Variants in ROBO1 observed in about 807,000 individuals in gnomAD.
ROBO1 encodes the protein roundabout homolog 1.
ROBO1 carries 149 observed loss-of-function variants against 195.9 expected under a neutral mutation model. The ratio of observed to expected loss-of-function variants is 0.76; its 90% CI spans 0.67 to 0.87. The LOEUF (loss-of-function observed/expected upper bound fraction) is 0.87, where lower values mean the gene tolerates loss of function less well. ROBO1 is among the 40% of genes least tolerant of loss of function. The probability of loss-of-function intolerance (pLI) is 0.00; values close to 1 mark genes in which losing one functional copy is unlikely to be tolerated. For missense variants in ROBO1, 1,933 were observed against 2,068.3 expected, an observed-to-expected ratio of 0.93 and a Z score of 1.27; for synonymous variants, 816 against 733.2, an observed-to-expected ratio of 1.11 and a Z score of -1.82.
chr3:79,264,022 A>G (rs2082988617), intron 2 of ROBO1, among the ~76,000 whole-genome samples: 1 of 152,064 alleles, frequency 6.6e-6, no homozygotes, highest in Non-Finnish European at 1.5e-5. Context: ...TTTTGCCCAG[A>G]CAACAACTAA....
chr3:79,046,245 T>C (rs1050984428), intron 3 of ROBO1, among the ~76,000 whole-genome samples: 10 of 152,086 alleles, frequency 6.6e-5, no homozygotes, highest in African/African-American at 2.4e-4. Context: ...AAGGTATTGA[T>C]GTCTCTGGCA....
intron 1 of ROBO1, among the ~76,000 whole-genome samples, chr3:79,713,694 C>A (rs1240955446): frequency 6.6e-6 from 1 of 152,082 alleles, no homozygotes; most frequent in Non-Finnish European, 1.5e-5. Context: ...ATGGTATTGC[C>A]TAGGTTTTCT....
At position 79,021,723 on chromosome 3, in the gene ROBO1, C is replaced by A. The variant is rs547610913; in HGVS notation, c.173-82796G>T. Among the ~76,000 whole-genome samples, 35 of 139,682 alleles carry A rather than the reference C, an allele frequency of 2.5e-4. No individual in the cohort carries two copies. In the East Asian group the frequency reaches 7.2e-3, roughly 29 times the overall value. 91.6% of individuals were successfully genotyped at this position (139,682 alleles called of 152,430 possible). The stretch of plus-strand genomic sequence containing the variant: ...TCGCCCAGGCTGGAGTGCAGTGGCG[C>A]GATCTCGGCTCACTGCAAGCTCCGC... On this transcript the variant is annotated intron_variant, in intron 3 of 30. Coordinates refer to ENST00000464233, the MANE Select transcript of ROBO1 (RefSeq NM_002941.4).
At chr3:79,300,150 A>C (rs1284406178) in intron 2 of ROBO1, among the ~76,000 whole-genome samples, 2 of 152,168 alleles carry the variant, frequency 1.3e-5, no homozygotes, top group Non-Finnish European at 2.9e-5. Flanking sequence ...CCACCGCTGC[A>C]GTGTGGGAGC....
chr3:79,347,883 C>A (rs2035185082), intron 2 of ROBO1, among the ~76,000 whole-genome samples: 1 of 152,090 alleles, frequency 6.6e-6, no homozygotes, highest in African/African-American at 2.4e-5. Flanking sequence ...AATCATGAGC[C>A]TTAATACCAA....
intron 4 of ROBO1, among the ~76,000 whole-genome samples, chr3:78,800,089 C>G (rs758129179): frequency 6.6e-6 from 1 of 152,156 alleles, no homozygotes; most frequent in East Asian, 1.9e-4. Flanking sequence ...GTGCTGCTCA[C>G]GTTCCTAGAG....
rs1005941784 is a variant in ROBO1 at position 78,740,541 on chromosome 3, G to A, written c.657+6202C>T. On this transcript the variant is annotated intron_variant, in intron 5 of 30. Transcript: ENST00000464233. Reference sequence around the variant, plus strand: ...GGCTGGAGTGCAATGGCGCGACCTCGGCTCACTGCAACCTCTGCCTCCCAG... The same window carrying A: ...GGCTGGAGTGCAATGGCGCGACCTCAGCTCACTGCAACCTCTGCCTCCCAG... Among the ~76,000 whole-genome samples the A allele has an allele frequency of 2.0e-5, 3 of 149,778 alleles. No individual in the cohort carries two copies. In the East Asian group the frequency reaches 6.0e-4, roughly 30 times the overall value.
At chr3:78,952,150 A>G (rs1014946581) in intron 3 of ROBO1, among the ~76,000 whole-genome samples, 6 of 151,480 alleles carry the variant, frequency 4.0e-5, no homozygotes, top group Admixed American at 2.0e-4. Flanking sequence ...TCTGCTGTAT[A>G]AAATTAGAAA....
chr3:78,739,471 T>C (rs1198429608), intron 5 of ROBO1, among the ~76,000 whole-genome samples: 6 of 152,170 alleles, frequency 3.9e-5, no homozygotes, highest in East Asian at 3.9e-4. Flanking sequence ...CTACAAAGCA[T>C]ATTCAGTTGA....
At chr3:78,936,621 T>C (rs536693643) in intron 4 of ROBO1, among the ~76,000 whole-genome samples, 1 of 152,160 alleles carries the variant, frequency 6.6e-6, no homozygotes, top group South Asian at 2.1e-4. Context: ...CAACAATTAC[T>C]ATATGAGCTA....
chr3:79,283,540 A>G (rs968738760), intron 2 of ROBO1, among the ~76,000 whole-genome samples: 2 of 152,240 alleles, frequency 1.3e-5, no homozygotes, highest in African/African-American at 4.8e-5. Context: ...TGGAATATGA[A>G]GAAAAATTTA....
At chr3:78,642,209 C>A (rs959878394) in intron 21 of ROBO1, among the ~76,000 whole-genome samples, 2 of 152,036 alleles carry the variant, frequency 1.3e-5, no homozygotes, top group Non-Finnish European at 2.9e-5. Context: ...GATAGATTTG[C>A]GTCATGAAGA....
intron 3 of ROBO1, among the ~76,000 whole-genome samples, chr3:79,029,729 T>C (rs966221702): frequency 6.6e-5 from 10 of 152,228 alleles, no homozygotes; most frequent in Admixed American, 5.2e-4. Flanking sequence ...ATTTATCTTT[T>C]AAGTTTCAGA....
chr3:79,405,892 C>T (rs1338809323), intron 2 of ROBO1, among the ~76,000 whole-genome samples: 3 of 152,036 alleles, frequency 2.0e-5, no homozygotes, highest in Admixed American at 6.6e-5. Flanking sequence ...ATTTTCAAAA[C>T]TAGTGCTCTT....
chr3:79,161,886 C>A (rs1576755589), intron 2 of ROBO1, among the ~76,000 whole-genome samples: 1 of 152,016 alleles, frequency 6.6e-6, no homozygotes, highest in Non-Finnish European at 1.5e-5. Context: ...TGGGCAGAAT[C>A]CATAATTTCA....
At chr3:79,102,497 T>C (rs947606483) in intron 3 of ROBO1, among the ~76,000 whole-genome samples, 6 of 151,802 alleles carry the variant, frequency 4.0e-5, no homozygotes, top group Non-Finnish European at 7.4e-5. Context: ...TTAGCACTTC[T>C]AGGAAGTAAT....
chr3:79,494,798 G>T (rs1355389909), intron 2 of ROBO1, among the ~76,000 whole-genome samples: 1 of 152,144 alleles, frequency 6.6e-6, no homozygotes, highest in African/African-American at 2.4e-5. Flanking sequence ...GAATCCACAA[G>T]TTGAAAAGAA....
At chr3:78,862,873 C>T (rs1237085338) in intron 4 of ROBO1, among the ~76,000 whole-genome samples, 1 of 152,050 alleles carries the variant, frequency 6.6e-6, no homozygotes, top group Non-Finnish European at 1.5e-5. Flanking sequence ...ACACCATTTC[C>T]CTAAATTCCC....
At chr3:79,199,182 G>C (rs968295802) in intron 2 of ROBO1, among the ~76,000 whole-genome samples, 1 of 151,532 alleles carries the variant, frequency 6.6e-6, no homozygotes, top group Non-Finnish European at 1.5e-5. Context: ...AGTAGTCCTT[G>C]AATGGCTTAT....
Sources: allele counts gnomAD v4.1 joint callset (sites outside exome capture counted in the v4.1 genomes callset), GRCh38; gene constraint gnomAD v4.1.1; transcripts MANE v1.5; gene names NCBI Gene and HGNC (gene_info 2026-07-23, HGNC 2026-07-21).